The following C1QTNF7 variants were observed in gnomAD, a reference collection of about 807,000 sequenced individuals.
The protein encoded by C1QTNF7 is complement C1q tumor necrosis factor-related protein 7.
A neutral mutation model predicts 19.6 loss-of-function variants in C1QTNF7; 15 were observed. That is an observed-to-expected ratio of 0.76 (90% CI 0.51 to 1.18). C1QTNF7 has a LOEUF of 1.18. Ranked by LOEUF, C1QTNF7 falls within the 50% of genes most tolerant of loss-of-function variation. The pLI, the probability that C1QTNF7 is intolerant of heterozygous loss-of-function variation, is 0.00. For missense variants in C1QTNF7, 324 were observed against 359.7 expected, an observed-to-expected ratio of 0.90 and a Z score of 0.80; for synonymous variants, 142 against 137.5, an observed-to-expected ratio of 1.03 and a Z score of -0.23.
intron 1 of C1QTNF7, among the ~76,000 whole-genome samples, chr4:15,385,476 CTG>C (rs1184179693): frequency 1.3e-5 from 2 of 152,162 alleles, no homozygotes; most frequent in Non-Finnish European, 2.9e-5. Context: ...GCAGGATGGA[CTG>C]TGCTTGGTTT....
chr4:15,364,333 A>G (rs1039356828), intron 1 of C1QTNF7, among the ~76,000 whole-genome samples: 13 of 152,328 alleles, frequency 8.5e-5, no homozygotes, highest in African/African-American at 3.1e-4. Flanking sequence ...TCTCAGCTTC[A>G]TCATTTACCA....
intron 1 of C1QTNF7, among the ~76,000 whole-genome samples, chr4:15,421,849 A>G (rs891227149): frequency 3.3e-5 from 5 of 152,346 alleles, no homozygotes; most frequent in Middle Eastern, 3.4e-3. Context: ...CAACCGTACA[A>G]TGGAATACTA....
chr4:15,402,981 T>C (rs1719050829), intron 1 of C1QTNF7, among the ~76,000 whole-genome samples: 2 of 117,502 alleles, frequency 1.7e-5, no homozygotes, highest in Admixed American at 2.0e-4. Context: ...TTTGCTTTTT[T>C]CTGTTTTTTT....
chr4:15,439,488 T>C (rs2108941303), intron 2 of C1QTNF7, among the ~76,000 whole-genome samples: 1 of 152,332 alleles, frequency 6.6e-6, no homozygotes, highest in South Asian at 2.1e-4. Context: ...AACTAATCCA[T>C]GGCTGAACTG....
chr4:15,429,756 G>C (rs1001618671), intron 1 of C1QTNF7, among the ~76,000 whole-genome samples: 4 of 152,124 alleles, frequency 2.6e-5, no homozygotes, highest in African/African-American at 9.7e-5. Context: ...ATATTTGTTT[G>C]AGTCCCTGAT....
chr4:15,368,796 G>T (rs1577239524), intron 1 of C1QTNF7, among the ~76,000 whole-genome samples: 1 of 152,204 alleles, frequency 6.6e-6, no homozygotes, highest in South Asian at 2.1e-4. Context: ...AATCCTTTGG[G>T]TATATACCCA....
chr4:15,442,795 T>G lies in C1QTNF7; in HGVS notation c.866T>G (p.Leu289Trp). 4 of 1,602,038 alleles carry G rather than the reference T, an allele frequency of 2.5e-6. No homozygotes were observed. The highest frequency in any genetic ancestry group is 3.4e-6 in the Non-Finnish European group (4 of 1,174,762). Residue 289 changes from leucine (L) to tryptophan (W), a missense_variant, in exon 3 of 3, where the codon TTG becomes TGG. Coordinates refer to ENST00000444304, the MANE Select transcript of C1QTNF7 (RefSeq NM_031911.5). ...YLDSISEDDE[L>W] ...GATTCCATATCAGAAGATGATGAAT[T>G]GTGATCAGGACCAAGATCCCTGTGG...
intron 1 of C1QTNF7, among the ~76,000 whole-genome samples, chr4:15,407,988 G>A (rs1719253602): frequency 6.6e-6 from 1 of 152,128 alleles, no homozygotes; most frequent in Non-Finnish European, 1.5e-5. Flanking sequence ...AAGAAAGTAG[G>A]CCGGGCTTGG....
chr4:15,392,473 G>A (rs1048627493), intron 1 of C1QTNF7, among the ~76,000 whole-genome samples: 1 of 152,168 alleles, frequency 6.6e-6, no homozygotes, highest in Admixed American at 6.5e-5. Context: ...CCTGTGCAGG[G>A]AAGCAGCCCT....
At chr4:15,382,231 A>T (rs1314157901) in intron 1 of C1QTNF7, among the ~76,000 whole-genome samples, 1 of 152,116 alleles carries the variant, frequency 6.6e-6, no homozygotes, top group African/African-American at 2.4e-5. Flanking sequence ...TTCCATTTTA[A>T]TTATCTCCCC....
At chr4:15,381,581 G>C (rs986039838) in intron 1 of C1QTNF7, among the ~76,000 whole-genome samples, 3 of 152,084 alleles carry the variant, frequency 2.0e-5, no homozygotes, top group Non-Finnish European at 2.9e-5. Flanking sequence ...ATTAGGTATG[G>C]GACGTCTCTG....
At chr4:15,424,192 A>G (rs777704205), upstream of C1QTNF7, among the ~76,000 whole-genome samples, 33 of 152,120 alleles carry the variant, frequency 2.2e-4, no homozygotes, top group Admixed American at 5.2e-4. Flanking sequence ...ACAAATCTCA[A>G]TCAAATTTTC....
In C1QTNF7 at chr4:15,360,406, C is replaced by T. The variant is rs568618757; in HGVS notation, c.13+20199C>T. 8.9e-4 allele frequency among the ~76,000 whole-genome samples: 136 copies of T among 152,234 alleles called. 1 individual carries two copies. The highest frequency in any genetic ancestry group is 3.0e-3 in the African/African-American group (123 of 41,556). On this transcript the variant is annotated intron_variant, in intron 1 of 2. Transcript: ENST00000295297. ...CATAACCTTGTTTTACGTATGCTTA[C>T]GTTTAAGAACATCTTCTTTTTTATA...
intron 1 of C1QTNF7, among the ~76,000 whole-genome samples, chr4:15,404,936 T>C (rs961467878): frequency 1.3e-5 from 2 of 152,348 alleles, no homozygotes; most frequent in East Asian, 1.9e-4. Context: ...TCAATTTTAA[T>C]GTACATTGAG....
At chr4:15,407,021 T>C (rs1293177424) in intron 1 of C1QTNF7, among the ~76,000 whole-genome samples, 1 of 152,240 alleles carries the variant, frequency 6.6e-6, no homozygotes, top group Non-Finnish European at 1.5e-5. Context: ...TTCAAGTTCA[T>C]GTTTTAAATC....
intron 1 of C1QTNF7, among the ~76,000 whole-genome samples, chr4:15,406,202 G>A (rs909880670): frequency 3.9e-5 from 6 of 152,108 alleles, no homozygotes; most frequent in Admixed American, 3.9e-4. Flanking sequence ...ACATTTTTCT[G>A]TCTTATTTGC....
intron 1 of C1QTNF7, among the ~76,000 whole-genome samples, chr4:15,408,940 G>A (rs1361595780): frequency 6.6e-6 from 1 of 152,134 alleles, no homozygotes; most frequent in Non-Finnish European, 1.5e-5. Flanking sequence ...GGAAATAAAT[G>A]TCTGTTATTT....
At chr4:15,345,863 A>G (rs1560335909) in intron 1 of C1QTNF7, among the ~76,000 whole-genome samples, 1 of 152,100 alleles carries the variant, frequency 6.6e-6, no homozygotes, top group Non-Finnish European at 1.5e-5. Flanking sequence ...CTTTGTCCCT[A>G]TTGTTTAGAT....
At chr4:15,368,055 C>G (rs1717591104) in intron 1 of C1QTNF7, among the ~76,000 whole-genome samples, 1 of 152,166 alleles carries the variant, frequency 6.6e-6, no homozygotes. Flanking sequence ...TGAAGTTTTT[C>G]TCTCTTTCTG....
Sources: allele counts gnomAD v4.1 joint callset (sites outside exome capture counted in the v4.1 genomes callset), GRCh38; gene constraint gnomAD v4.1.1; transcripts MANE v1.5; gene names NCBI Gene and HGNC (gene_info 2026-07-23, HGNC 2026-07-21).